SNTG1: variants seen among roughly 807,000 people sequenced by gnomAD.
SNTG1 encodes the protein syntrophin gamma 1, also known as gamma-1-syntrophin.
In SNTG1, 39 loss-of-function variants were observed where a neutral mutation model predicts 74.7. The observed-to-expected ratio is 0.52, with a 90% CI of 0.40 to 0.68. The LOEUF is 0.68. Among genes scored for constraint, SNTG1 ranks in the 30% least tolerant of loss-of-function variants. SNTG1 has a pLI of 0.00. For synonymous variants in SNTG1, 254 were observed against 217.1 expected (o/e 1.17, Z -1.49); for missense variants, 685 against 609.5 (o/e 1.12, Z -1.30).
At chr8:50,259,516 G>A (rs988075388) in intron 2 of SNTG1, among the ~76,000 whole-genome samples, 1,219 of 7,960 alleles carry the variant, frequency 0.15, 341 homozygotes, top group Non-Finnish European at 0.41. Context: ...AAAAAAGAAA[G>A]AAAGAAAGAA....
intron 1 of SNTG1, among the ~76,000 whole-genome samples, chr8:50,156,313 C>A (rs1156340067): frequency 6.6e-6 from 1 of 152,012 alleles, no homozygotes; most frequent in Admixed American, 6.6e-5. Flanking sequence ...TTGTCAAGTG[C>A]TATAGCAGAA....
At chr8:50,217,376 T>C (rs1239149643) in intron 2 of SNTG1, among the ~76,000 whole-genome samples, 1 of 152,080 alleles carries the variant, frequency 6.6e-6, no homozygotes, top group Non-Finnish European at 1.5e-5. Context: ...AAGCACTATA[T>C]ATATATTATA....
intron 2 of SNTG1, among the ~76,000 whole-genome samples, chr8:50,264,365 C>T (rs2087345012): frequency 1.3e-5 from 2 of 151,736 alleles, no homozygotes; most frequent in South Asian, 2.1e-4. Flanking sequence ...GTCAGGAGTT[C>T]GAGACCAGCC....
intron 2 of SNTG1, among the ~76,000 whole-genome samples, chr8:50,378,411 C>A (rs2092425702): frequency 6.6e-6 from 1 of 152,176 alleles, no homozygotes; most frequent in Admixed American, 6.5e-5. Flanking sequence ...TTCTCTTCGC[C>A]TGCAACATGA....
At chr8:50,595,657 G>A (rs558127283) in intron 13 of SNTG1, among the ~76,000 whole-genome samples, 6 of 152,016 alleles carry the variant, frequency 3.9e-5, no homozygotes, top group East Asian at 3.9e-4. Context: ...CTGAGGGAGC[G>A]GGGAACAAAT....
intron 8 of SNTG1, 140 bp downstream of exon 8, chr8:50,450,869 A>AT (rs779991050): frequency 2.5e-3 from 1,611 of 633,570 alleles, no homozygotes; most frequent in Non-Finnish European, 3.2e-3. Context: ...ATGTTCTCTT[A>AT]ATTTTTTTTT....
chr8:49,988,586 A>C (rs1483484071), intron 1 of SNTG1, among the ~76,000 whole-genome samples: 1 of 152,196 alleles, frequency 6.6e-6, no homozygotes, highest in African/African-American at 2.4e-5. Context: ...TAATCAGAAA[A>C]TTTGAATGTA....
At chr8:50,459,882 A>G (rs576005762) in intron 8 of SNTG1, among the ~76,000 whole-genome samples, 4 of 152,218 alleles carry the variant, frequency 2.6e-5, no homozygotes, top group Non-Finnish European at 4.4e-5. Context: ...TTCATGGTAT[A>G]CATGCACCAC....
chr8:49,960,193 G>T (rs1352878551), intron 1 of SNTG1, among the ~76,000 whole-genome samples: 1 of 152,100 alleles, frequency 6.6e-6, no homozygotes, highest in Non-Finnish European at 1.5e-5. Context: ...TACCATATTT[G>T]ATGCTTCATA....
intron 17 of SNTG1, chr8:50,709,215 A>C: frequency 5.9e-6 from 3 of 511,698 alleles, no homozygotes; most frequent in Non-Finnish European, 6.9e-6. Context: ...TTATAAGTCT[A>C]TCTATGTATG....
intron 15 of SNTG1, among the ~76,000 whole-genome samples, chr8:50,671,140 C>T (rs1277838631): frequency 6.6e-6 from 1 of 151,566 alleles, no homozygotes; most frequent in Non-Finnish European, 1.5e-5. Context: ...TGGGCAAGGA[C>T]TTCATGTCTA....
chr8:50,660,426 G>GAAGA (rs10578135), intron 15 of SNTG1, among the ~76,000 whole-genome samples: 3 of 72,736 alleles, frequency 4.1e-5, no homozygotes, highest in Non-Finnish European at 1.1e-4. Flanking sequence ...AAGAAAGAAA[G>GAAGA]AAGAAAGAAA....
intron 9 of SNTG1, among the ~76,000 whole-genome samples, chr8:50,507,965 C>T (rs149814641): frequency 0.024 from 3,699 of 151,104 alleles, 140 homozygotes; most frequent in African/African-American, 0.082. Context: ...ATGTACACAA[C>T]GTGCAGGTTA....
intron 4 of SNTG1, among the ~76,000 whole-genome samples, chr8:50,406,977 G>A (rs1056922379): frequency 6.6e-6 from 1 of 152,086 alleles, no homozygotes; most frequent in African/African-American, 2.4e-5. Flanking sequence ...GATATTCTTT[G>A]AGAAAAACTC....
chr8:50,541,939 A>G (rs928693327), intron 11 of SNTG1, among the ~76,000 whole-genome samples: 14 of 151,698 alleles, frequency 9.2e-5, no homozygotes, highest in Non-Finnish European at 2.1e-4. Context: ...TTGTGCCTGG[A>G]TTATTTCACT....
At chr8:50,239,463 C>T (rs2086070821) in intron 2 of SNTG1, among the ~76,000 whole-genome samples, 1 of 152,104 alleles carries the variant, frequency 6.6e-6, no homozygotes, top group South Asian at 2.1e-4. Flanking sequence ...GGAAAAACTA[C>T]CATTTATAAA....
intron 2 of SNTG1, among the ~76,000 whole-genome samples, chr8:50,342,222 C>T (rs1001144855): frequency 6.6e-6 from 1 of 152,060 alleles, no homozygotes; most frequent in African/African-American, 2.4e-5. Flanking sequence ...AGGATAATAT[C>T]ATGCACCCTT....
rs543163909 is a variant in SNTG1 at position 50,341,179 on chromosome 8, T to C, written c.-27-53033T>C. Among the ~76,000 whole-genome samples, 35 of 152,040 alleles carry C rather than the reference T, an allele frequency of 2.3e-4. No homozygotes were observed. In the South Asian group the frequency reaches 6.2e-3, roughly 27 times the overall value. On this transcript the variant is annotated intron_variant, in intron 2 of 18. Coordinates refer to ENST00000642720, the MANE Select transcript of SNTG1 (RefSeq NM_018967.5). Reference sequence around the variant, plus strand: ...TACCAAGCCTCCTTAAAGGGATTTATCTCTTTCCATATATATTTTTTCCTA... The same window carrying C: ...TACCAAGCCTCCTTAAAGGGATTTACCTCTTTCCATATATATTTTTTCCTA...
chr8:50,325,037 G>A (rs1207635308), intron 2 of SNTG1, among the ~76,000 whole-genome samples: 2 of 121,290 alleles, frequency 1.6e-5, no homozygotes, highest in Non-Finnish European at 3.5e-5. Context: ...TAGATCAATA[G>A]AACAGAATAA....
Sources: gnomAD v4.1 joint callset for allele counts (sites outside exome capture counted in the v4.1 genomes callset) on GRCh38, gnomAD v4.1.1 for gene constraint, MANE v1.5 for transcripts, NCBI Gene and HGNC (gene_info 2026-07-23, HGNC 2026-07-21) for gene names.